Variants in RBM47 observed in about 807,000 individuals in gnomAD.
The protein encoded by RBM47 is RNA-binding protein 47.
In RBM47, 21 loss-of-function variants were observed where a neutral mutation model predicts 47.1. The ratio of observed to expected loss-of-function variants is 0.45; its 90% CI spans 0.32 to 0.64. The LOEUF (loss-of-function observed/expected upper bound fraction) is 0.64, where lower values mean the gene tolerates loss of function less well. Among genes scored for constraint, RBM47 ranks in the 30% least tolerant of loss-of-function variants. RBM47 has a pLI of 0.05. For missense variants in RBM47, 708 were observed against 870.9 expected, an observed-to-expected ratio of 0.81 and a Z score of 2.35; for synonymous variants, 375 against 361.7, an observed-to-expected ratio of 1.04 and a Z score of -0.42.
chr4:40,512,034 T>C (rs1351181550), intron 2 of RBM47, among the ~76,000 whole-genome samples: 2 of 152,126 alleles, frequency 1.3e-5, no homozygotes, highest in African/African-American at 4.8e-5. Context: ...GAATGACAAG[T>C]GTCTAGAAAT....
At position 40,429,398 on chromosome 4, in the gene RBM47, C is replaced by T. The variant is rs141192582; in HGVS notation, c.1542+3253G>A. On this transcript the variant is annotated intron_variant, in intron 6 of 6. Transcript: ENST00000295971. ...AATTGTGAAGAAGGAAAAAAAAATTCGTTCATAGTATATTATTAGTTTGGT... is the reference window on the plus strand; with the variant it reads ...AATTGTGAAGAAGGAAAAAAAAATTTGTTCATAGTATATTATTAGTTTGGT... Among the ~76,000 whole-genome samples the T allele has an allele frequency of 2.2e-3, 335 of 151,976 alleles. 1 individual carries two copies. The highest frequency in any genetic ancestry group is 7.6e-3 in the African/African-American group (316 of 41,438).
chr4:40,447,827 A>C (rs1037452300), intron 3 of RBM47, among the ~76,000 whole-genome samples: 3 of 152,082 alleles, frequency 2.0e-5, no homozygotes, highest in African/African-American at 7.2e-5. Flanking sequence ...TGGCTAACAC[A>C]GTGAAACCCC....
At chr4:40,567,517 C>T (rs1408663388) in intron 1 of RBM47, among the ~76,000 whole-genome samples, 1 of 152,000 alleles carries the variant, frequency 6.6e-6, no homozygotes, top group East Asian at 1.9e-4. Context: ...TAGTAAGACA[C>T]CAATTCAGTA....
chr4:40,600,619 G>A (rs909356522), intron 1 of RBM47, among the ~76,000 whole-genome samples: 2 of 139,342 alleles, frequency 1.4e-5, no homozygotes. Context: ...GGGCGACAGA[G>A]CGAGGCTCCG....
intron 2 of RBM47, among the ~76,000 whole-genome samples, chr4:40,532,669 A>ATTT (rs373863530): frequency 7.1e-6 from 1 of 140,956 alleles, no homozygotes; most frequent in East Asian, 2.0e-4. Context: ...ATTTTTTTCC[A>ATTT]TTTTTTTTTT....
chr4:40,630,549 C>A (rs1738134129), upstream of RBM47: 1 of 152,222 alleles, frequency 6.6e-6, no homozygotes, highest in Admixed American at 6.5e-5. Flanking sequence ...CGCAGCAGGG[C>A]CTGGGGCCTG....
chr4:40,624,860 C>CTTTTTTTT (rs1172791380), intron 1 of RBM47, among the ~76,000 whole-genome samples: 55 of 119,560 alleles, frequency 4.6e-4, no homozygotes, highest in African/African-American at 6.7e-4. Flanking sequence ...TTTTCTTTTT[C>CTTTTTTTT]TTTTTTTTTT....
chr4:40,540,117 T>C (rs1728364455), intron 2 of RBM47, among the ~76,000 whole-genome samples: 2 of 152,128 alleles, frequency 1.3e-5, no homozygotes, highest in Non-Finnish European at 2.9e-5. Context: ...TAATCTTTCC[T>C]ACAGATCGCC....
At chr4:40,598,389 G>A (rs1384561948) in intron 1 of RBM47, among the ~76,000 whole-genome samples, 4 of 152,094 alleles carry the variant, frequency 2.6e-5, no homozygotes, top group Admixed American at 2.0e-4. Context: ...TGGGACCACA[G>A]GTGCACACCA....
intron 3 of RBM47, among the ~76,000 whole-genome samples, chr4:40,460,714 C>A (rs1165016344): frequency 2.0e-5 from 3 of 151,594 alleles, no homozygotes; most frequent in Admixed American, 6.6e-5. Flanking sequence ...ATAGCAAAAC[C>A]CCATCTCTAC....
chr4:40,570,942 G>A (rs188618561), intron 1 of RBM47, among the ~76,000 whole-genome samples: 112 of 152,090 alleles, frequency 7.4e-4, no homozygotes, highest in Non-Finnish European at 1.3e-3. Flanking sequence ...ACGGCTGGGC[G>A]CGGTGGCTCA....
chr4:40,523,536 A>G (rs1726411521), intron 2 of RBM47, among the ~76,000 whole-genome samples: 1 of 152,058 alleles, frequency 6.6e-6, no homozygotes, highest in South Asian at 2.1e-4. Flanking sequence ...CTGTAATCCT[A>G]GCTACTCGGG....
chr4:40,602,152 G>A (rs1355505655), intron 1 of RBM47, among the ~76,000 whole-genome samples: 1 of 151,686 alleles, frequency 6.6e-6, no homozygotes, highest in Non-Finnish European at 1.5e-5. Flanking sequence ...CTCCAGCCTG[G>A]GTGACAGAGC....
In RBM47 at chr4:40,573,387, A is replaced by G. The variant is rs1425188969; in HGVS notation, c.-239-28881T>C. ...TAATTAGCTTAAAATTTGTTCAAAT[A>G]AAGTAAATATTATAAAGAGAAATTG... On this transcript the variant is annotated intron_variant, in intron 1 of 6. Coordinates refer to ENST00000295971, the MANE Select transcript of RBM47 (RefSeq NM_001098634.2). Among the ~76,000 whole-genome samples, 5 of 151,886 alleles carry G rather than the reference A, an allele frequency of 3.3e-5. No homozygotes were observed. In the South Asian group the frequency reaches 1.0e-3, roughly 31 times the overall value.
chr4:40,549,524 G>A (rs946269394), intron 1 of RBM47, among the ~76,000 whole-genome samples: 3 of 132,758 alleles, frequency 2.3e-5, no homozygotes, highest in East Asian at 2.2e-4. Context: ...TTGTTTGTTC[G>A]TTTTTTTTTT....
chr4:40,625,495 T>C (rs1276583634), intron 1 of RBM47, among the ~76,000 whole-genome samples: 2 of 152,168 alleles, frequency 1.3e-5, no homozygotes, highest in Non-Finnish European at 2.9e-5. Flanking sequence ...CTGCATTCAT[T>C]GTACACTCAC....
At chr4:40,493,623 A>C (rs1722191328) in intron 2 of RBM47, among the ~76,000 whole-genome samples, 2 of 152,082 alleles carry the variant, frequency 1.3e-5, no homozygotes, top group Non-Finnish European at 2.9e-5. Context: ...GTCTCTACCA[A>C]ATGTACAAAA....
At chr4:40,436,726 C>A in intron 4 of RBM47, 79 bp from the exon 5 acceptor site, 1 of 1,361,954 alleles carries the variant, frequency 7.3e-7, no homozygotes, top group Non-Finnish European at 1.0e-6. Context: ...CGGTTCTCGG[C>A]ATTTAACTGC....
chr4:40,517,642 C>T (rs1451714103), intron 2 of RBM47, among the ~76,000 whole-genome samples: 1 of 152,156 alleles, frequency 6.6e-6, no homozygotes, highest in South Asian at 2.1e-4. Flanking sequence ...CTGAAGTCAA[C>T]CAACCACAGA....
Sources: allele counts gnomAD v4.1 joint callset (sites outside exome capture counted in the v4.1 genomes callset), GRCh38; gene constraint gnomAD v4.1.1; transcripts MANE v1.5; gene names NCBI Gene and HGNC (gene_info 2026-07-23, HGNC 2026-07-21).